Variants in TTC6 observed in about 807,000 individuals in gnomAD.
TTC6 encodes tetratricopeptide repeat protein 6.
A neutral mutation model predicts 210.4 loss-of-function variants in TTC6; 172 were observed. The observed-to-expected ratio is 0.82, with a 90% CI of 0.72 to 0.93. The LOEUF is 0.93. Among genes scored for constraint, TTC6 ranks in the 40% least tolerant of loss-of-function variants. The pLI is 0.00. For synonymous variants in TTC6, 804 were observed against 819.6 expected, an observed-to-expected ratio of 0.98 and a Z score of 0.32; for missense variants, 2,414 against 2,318.1, an observed-to-expected ratio of 1.04 and a Z score of -0.85.
chr14:37,617,981 G>A (rs2095645443), upstream of TTC6, among the ~76,000 whole-genome samples: 1 of 152,200 alleles, frequency 6.6e-6, no homozygotes, highest in East Asian at 1.9e-4. Flanking sequence ...TTACTTTCTG[G>A]GCCCATTCCT....
intron 1 of TTC6, among the ~76,000 whole-genome samples, chr14:37,663,259 T>G (rs2095741073): frequency 6.6e-6 from 1 of 152,188 alleles, no homozygotes; most frequent in South Asian, 2.1e-4. Context: ...TTGTGTATCC[T>G]GAAACTTTGC....
chr14:37,765,283 C>T (rs1482767423), intron 14 of TTC6, among the ~76,000 whole-genome samples: 1 of 151,492 alleles, frequency 6.6e-6, no homozygotes, highest in African/African-American at 2.4e-5. Context: ...CCACCTCAGA[C>T]TCCCAGGTAG....
At chr14:37,708,081 T>C (rs2095838739) in intron 5 of TTC6, among the ~76,000 whole-genome samples, 1 of 152,080 alleles carries the variant, frequency 6.6e-6, no homozygotes, top group African/African-American at 2.4e-5. Flanking sequence ...GCTTTTCTTC[T>C]GTGCATACAC....
At chr14:37,606,285 G>GC (rs2095624990) in intron 1 of TTC6, among the ~76,000 whole-genome samples, 1 of 152,110 alleles carries the variant, frequency 6.6e-6, no homozygotes, top group Non-Finnish European at 1.5e-5. Context: ...CTCTCTGGCT[G>GC]CCCCCTTTGC....
intron 10 of TTC6, among the ~76,000 whole-genome samples, chr14:37,746,466 C>T (rs2095936327): frequency 6.6e-6 from 1 of 152,174 alleles, no homozygotes; most frequent in African/African-American, 2.4e-5. Flanking sequence ...TCTAGAACTC[C>T]ACCCTAGGTC....
At chr14:37,696,605 A>T (rs148096654) in intron 3 of TTC6, 112 bp from the exon 6 acceptor site, 5 of 460,706 alleles carry the variant, frequency 1.1e-5, no homozygotes, top group African/African-American at 2.0e-5. Context: ...CTGTTATAAC[A>T]TATACATAGA....
In TTC6 at chr14:37,598,053, A is replaced by G. The variant is rs2095607899; in HGVS notation, c.-235+2045A>G. Reference sequence around the variant, plus strand: ...GACTTGGAAATGCATACATACATACATAAAGTAATGCTGCTGTCTGGGAGT... The same window carrying G: ...GACTTGGAAATGCATACATACATACGTAAAGTAATGCTGCTGTCTGGGAGT... On this transcript the variant is annotated intron_variant, in intron 1 of 2. Transcript: ENST00000556845. This position sits in a 1 kb window ranked among gnomAD's most constrained non-coding sequence, Gnocchi z 4.9. 6.6e-6 allele frequency among the ~76,000 whole-genome samples: 1 copy of G among 152,210 alleles called. No homozygotes were observed. Among genetic ancestry groups the G allele is most frequent in the African/African-American group, 2.4e-5 (1 of 41,450 alleles).
At chr14:37,753,075 A>G (rs1222712025) in intron 13 of TTC6, 24 bp from the exon 16 acceptor site, 1 of 1,502,292 alleles carries the variant, frequency 6.7e-7, no homozygotes, top group Non-Finnish European at 8.9e-7. Flanking sequence ...TGTGATGTTT[A>G]TGTACCTCCC....
intron 8 of TTC6, 112 bp downstream of exon 10, chr14:37,736,122 A>C (rs924549482): frequency 1.6e-6 from 1 of 624,690 alleles, no homozygotes; most frequent in Non-Finnish European, 2.7e-6. Context: ...ATGGTGGCTC[A>C]TGTCTGTAAT....
chr14:37,719,471 T>C (rs1054758254), intron 6 of TTC6, among the ~76,000 whole-genome samples: 1 of 152,096 alleles, frequency 6.6e-6, no homozygotes, highest in African/African-American at 2.4e-5. Context: ...ATTACAGTCA[T>C]TAAGATGGTG....
intron 1 of TTC6, among the ~76,000 whole-genome samples, chr14:37,642,832 T>C (rs537635176): frequency 6.6e-6 from 1 of 152,342 alleles, no homozygotes; most frequent in Admixed American, 6.5e-5. Context: ...CCTGAATAGC[T>C]ACCCAACTGT....
intron 2 of TTC6, among the ~76,000 whole-genome samples, chr14:37,612,807 G>A (rs1204467766): frequency 6.6e-6 from 1 of 152,108 alleles, no homozygotes; most frequent in East Asian, 1.9e-4. Context: ...ATATAAACAT[G>A]GAACTGATTT....
chr14:37,841,524 C>T (rs528623819), exon 30 of TTC6: 6 of 1,601,210 alleles, frequency 3.7e-6, no homozygotes, highest in Admixed American at 3.5e-5. Flanking sequence ...ATTACAAATA[C>T]AATATTAAAG....
At chr14:37,609,904 C>G (rs985387380) in intron 2 of TTC6, among the ~76,000 whole-genome samples, 2 of 152,174 alleles carry the variant, frequency 1.3e-5, no homozygotes, top group African/African-American at 4.8e-5. Flanking sequence ...ACAGAGTGCT[C>G]ACAGGGCAGT....
chr14:37,815,803 C>G (rs2096140128), intron 25 of TTC6, among the ~76,000 whole-genome samples: 1 of 151,992 alleles, frequency 6.6e-6, no homozygotes, highest in Non-Finnish European at 1.5e-5. Flanking sequence ...ATAACAGTGG[C>G]TAACTTTATT....
intron 14 of TTC6, among the ~76,000 whole-genome samples, chr14:37,778,679 C>T (rs1049002773): frequency 6.6e-6 from 1 of 152,064 alleles, no homozygotes; most frequent in African/African-American, 2.4e-5. Flanking sequence ...TGGAACTGCT[C>T]TGCTGGACCC....
chr14:37,806,347 A>T lies in TTC6; in HGVS notation c.4165-14A>T. Reference sequence around the variant, plus strand: ...TCACTAAATGGTTTGCATTTTGACAATATGCTCCTGTAGGCTTTTGATTCT... The same window carrying T: ...TCACTAAATGGTTTGCATTTTGACATTATGCTCCTGTAGGCTTTTGATTCT... On this transcript the variant is annotated splice_polypyrimidine_tract_variant and intron_variant, in intron 21 of 30. Transcript: ENST00000553443. The T allele has an allele frequency of 6.5e-7, 1 of 1,532,000 alleles. No homozygotes were observed. Among genetic ancestry groups the T allele is most frequent in the South Asian group, 1.2e-5 (1 of 83,416 alleles). The allele number at this position is 1,532,000 out of a possible 1,614,324, so 94.9% of individuals were successfully genotyped here.
intron 1 of TTC6, among the ~76,000 whole-genome samples, chr14:37,648,919 T>G (rs1191656366): frequency 1.3e-5 from 2 of 152,174 alleles, no homozygotes; most frequent in African/African-American, 4.8e-5. Context: ...TGTCTCAGCA[T>G]GTAGTGGGTT....
intron 7 of TTC6, among the ~76,000 whole-genome samples, chr14:37,727,338 G>C (rs1226900887): frequency 7.6e-6 from 1 of 132,086 alleles, no homozygotes; most frequent in African/African-American, 2.8e-5. Flanking sequence ...TTTATCACCA[G>C]GCTGGAGTGC....
Sources: allele counts gnomAD v4.1 joint callset (sites outside exome capture counted in the v4.1 genomes callset), GRCh38; gene constraint gnomAD v4.1.1; non-coding constraint Gnocchi (gnomAD v3.1); transcripts MANE v1.5; gene names NCBI Gene and HGNC (gene_info 2026-07-23, HGNC 2026-07-21).